CLASP1: variants seen among roughly 807,000 people sequenced by gnomAD.
The protein encoded by CLASP1 is cytoplasmic linker associated protein 1.
In CLASP1, 38 loss-of-function variants were observed where a neutral mutation model predicts 192.3. That is an observed-to-expected ratio of 0.20 (90% CI 0.15 to 0.26). The LOEUF is 0.26. CLASP1 is among the 10% of genes least tolerant of loss of function. The pLI is 1.00. For missense variants in CLASP1, 1,433 were observed against 1,932.5 expected, an observed-to-expected ratio of 0.74 and a Z score of 4.85; for synonymous variants, 691 against 712.8, an observed-to-expected ratio of 0.97 and a Z score of 0.49.
intron 8 of CLASP1, among the ~76,000 whole-genome samples, chr2:121,478,647 C>CCCACACACACA (rs2091975024): frequency 2.0e-5 from 2 of 102,096 alleles, no homozygotes; most frequent in East Asian, 2.9e-4. Context: ...ACACACACCC[C>CCCACACACACA]CCACACACAC....
intron 9 of CLASP1, among the ~76,000 whole-genome samples, chr2:121,468,258 T>G (rs1157437594): frequency 6.6e-6 from 1 of 152,240 alleles, no homozygotes; most frequent in Non-Finnish European, 1.5e-5. Flanking sequence ...AGGATTGCCT[T>G]GGCTATATGA....
At chr2:121,382,118 A>G (rs2071824659) in intron 33 of CLASP1, 90 bp downstream of exon 34, 1 of 962,732 alleles carries the variant, frequency 1.0e-6, no homozygotes. Flanking sequence ...CACTGGAGGC[A>G]GCTTAGAGGC....
chr2:121,393,279 C>T (rs964429598), intron 30 of CLASP1, among the ~76,000 whole-genome samples: 1 of 152,070 alleles, frequency 6.6e-6, no homozygotes, highest in Non-Finnish European at 1.5e-5. Context: ...AAAATTAAAG[C>T]AGGACATTCA....
chr2:121,519,942 C>G (rs2094420199), intron 6 of CLASP1, among the ~76,000 whole-genome samples: 1 of 152,134 alleles, frequency 6.6e-6, no homozygotes, highest in Non-Finnish European at 1.5e-5. Context: ...CCCTGCTGAC[C>G]CCTCAGGCTC....
intron 6 of CLASP1, among the ~76,000 whole-genome samples, chr2:121,523,338 T>C (rs1329438726): frequency 6.6e-6 from 1 of 152,192 alleles, no homozygotes; most frequent in Non-Finnish European, 1.5e-5. Flanking sequence ...TGTGTACTTC[T>C]AAAATAAAGA....
intron 32 of CLASP1, among the ~76,000 whole-genome samples, chr2:121,385,207 C>T (rs2072929632): frequency 6.6e-6 from 1 of 152,128 alleles, no homozygotes; most frequent in Non-Finnish European, 1.5e-5. Context: ...GCAGTTTTTC[C>T]CACTGCTGGA....
chr2:121,631,810 G>C (rs1391805523), intron 1 of CLASP1, among the ~76,000 whole-genome samples: 1 of 152,002 alleles, frequency 6.6e-6, no homozygotes, highest in African/African-American at 2.4e-5. Flanking sequence ...ACTTTGAGAG[G>C]CTGAGGTGGG....
At chr2:121,507,669 T>C (rs764344636) in intron 7 of CLASP1, among the ~76,000 whole-genome samples, 4 of 152,122 alleles carry the variant, frequency 2.6e-5, no homozygotes, top group Admixed American at 6.5e-5. Context: ...ATCTATATAT[T>C]TAACAAGCTA....
intron 14 of CLASP1, among the ~76,000 whole-genome samples, chr2:121,455,720 G>C (rs1284705165): frequency 6.6e-6 from 1 of 152,168 alleles, no homozygotes; most frequent in Non-Finnish European, 1.5e-5. Context: ...CTTAGCTGGG[G>C]GCGTGGTGGC....
At chr2:121,565,793 A>G (rs1304584111) in intron 2 of CLASP1, among the ~76,000 whole-genome samples, 1 of 152,266 alleles carries the variant, frequency 6.6e-6, no homozygotes, top group African/African-American at 2.4e-5. Flanking sequence ...GCTGACAGCA[A>G]TACTGACAGT....
exon 2 of CLASP1, chr2:121,605,932 G>A: frequency 6.3e-7 from 1 of 1,597,000 alleles, no homozygotes; most frequent in Middle Eastern, 1.7e-4. Context: ...AAAGCTAGAG[G>A]GCAGTCACGA....
At chr2:121,517,891 T>TTTTTTA (rs2094351427) in intron 6 of CLASP1, among the ~76,000 whole-genome samples, 1 of 75,174 alleles carries the variant, frequency 1.3e-5, no homozygotes, top group African/African-American at 3.9e-5. Context: ...TTTTTTTTTT[T>TTTTTTA]AGAAAAAGGA....
intron 2 of CLASP1, among the ~76,000 whole-genome samples, chr2:121,593,583 C>T (rs1422533162): frequency 2.1e-5 from 3 of 144,136 alleles, no homozygotes; most frequent in Non-Finnish European, 4.5e-5. Flanking sequence ...CGTGCCACTG[C>T]ACTCCAGCCT....
chr2:121,353,531 T>C (rs2064878170), intron 37 of CLASP1, among the ~76,000 whole-genome samples: 1 of 152,236 alleles, frequency 6.6e-6, no homozygotes, highest in African/African-American at 2.4e-5. Flanking sequence ...GCCACATCTC[T>C]ATGCCCCTGG....
chr2:121,421,612 G>A (rs747931254), intron 22 of CLASP1, among the ~76,000 whole-genome samples: 6 of 151,978 alleles, frequency 3.9e-5, no homozygotes, highest in Non-Finnish European at 8.8e-5. Context: ...GCGCAATCTC[G>A]GCTCACTGCA....
Position 121,563,469 on chromosome 2 carries a change from T to G in CLASP1, c.196-33144A>C, listed in dbSNP as rs185441330. Among the ~76,000 whole-genome samples the G allele has an allele frequency of 3.3e-5, 5 of 152,326 alleles. No individual in the cohort carries two copies. The East Asian group carries it at 9.6e-4, about 29-fold the overall frequency. On this transcript the variant is annotated intron_variant, in intron 2 of 39. Transcript: ENST00000263710. ...TTCACTCATGCTTTCAAACATACCA[T>G]GCTTTTAGCCAAAAAATGAAAAATT...
At chr2:121,630,642 T>C (rs963152956) in intron 1 of CLASP1, among the ~76,000 whole-genome samples, 6 of 150,968 alleles carry the variant, frequency 4.0e-5, no homozygotes, top group African/African-American at 1.2e-4. Flanking sequence ...GGTGGGTGGA[T>C]TGCCTGAGGT....
chr2:121,358,518 C>T (rs1257872253), intron 37 of CLASP1, among the ~76,000 whole-genome samples: 1 of 152,206 alleles, frequency 6.6e-6, no homozygotes, highest in African/African-American at 2.4e-5. Context: ...GTGATTCTAA[C>T]TGGTATTTGA....
chr2:121,621,177 C>T (rs536089482), intron 1 of CLASP1, among the ~76,000 whole-genome samples: 1 of 152,146 alleles, frequency 6.6e-6, no homozygotes, highest in South Asian at 2.1e-4. Context: ...GCTGCGATCC[C>T]CCTACTGTAC....
Sources: gnomAD v4.1 joint callset for allele counts (sites outside exome capture counted in the v4.1 genomes callset) on GRCh38, gnomAD v4.1.1 for gene constraint, MANE v1.5 for transcripts, NCBI Gene and HGNC (gene_info 2026-07-23, HGNC 2026-07-21) for gene names.